SLC37A1: variants seen among roughly 807,000 people sequenced by gnomAD.
The protein encoded by SLC37A1 is solute carrier family 37 member 1.
In SLC37A1, 49 loss-of-function variants were observed where a neutral mutation model predicts 75.3. The observed-to-expected ratio is 0.65, with a 90% CI of 0.52 to 0.83. The LOEUF is 0.83. SLC37A1 is among the 40% of genes least tolerant of loss of function. The pLI is 0.00. For synonymous variants in SLC37A1, 268 were observed against 292.1 expected (o/e 0.92, Z 0.84); for missense variants, 566 against 695.0 (o/e 0.81, Z 2.09).
upstream of SLC37A1, among the ~76,000 whole-genome samples, chr21:42,512,338 G>A (rs540796908): frequency 3.3e-5 from 5 of 152,244 alleles, no homozygotes; most frequent in Non-Finnish European, 5.9e-5. Context: ...TGGGATGCCC[G>A]AAAGGTTTGA....
chr21:42,514,070 G>C lies in SLC37A1; in HGVS notation c.-826G>C, dbSNP rs2054475197. 1.3e-5 allele frequency: 2 copies of C among 150,286 alleles called. No homozygotes were observed. Among genetic ancestry groups the C allele is most frequent in the South Asian group, 2.1e-4 (1 of 4,788 alleles). 9.3% of individuals were successfully genotyped at this position (150,286 alleles called of 1,614,324 possible). On this transcript the variant is annotated 5_prime_UTR_variant, in exon 1 of 20. Coordinates refer to ENST00000352133, the MANE Select transcript of SLC37A1 (RefSeq NM_001320537.2). This position sits in a 1 kb window ranked among gnomAD's most constrained non-coding sequence, Gnocchi z 4.8. ...GCCGGGCGCGGGGCCCTGCGCACTCGGAGCTCGGCTCCTCTCCTTCCTTTT... is the reference window on the plus strand; with the variant it reads ...GCCGGGCGCGGGGCCCTGCGCACTCCGAGCTCGGCTCCTCTCCTTCCTTTT...
At chr21:42,540,403 G>T (rs2055247567) in intron 6 of SLC37A1, among the ~76,000 whole-genome samples, 1 of 152,196 alleles carries the variant, frequency 6.6e-6, no homozygotes, top group East Asian at 1.9e-4. Flanking sequence ...CCTGCAGCTG[G>T]TTGGGTCACA....
In SLC37A1 at chr21:42,548,642, C is replaced by T. The variant is rs970322548; in HGVS notation, c.768+1502C>T. On this transcript the variant is annotated intron_variant, in intron 9 of 19. Transcript: ENST00000352133. This position sits in a 1 kb window ranked among gnomAD's most constrained non-coding sequence, Gnocchi z 5.6. ...AGCCTCCTAGAACGATCCACTCTTG[C>T]TCCCCAGAATCTCTTCTTCACACCG... Among the ~76,000 whole-genome samples the T allele has an allele frequency of 1.3e-5, 2 of 152,228 alleles. No homozygotes were observed. The highest frequency in any genetic ancestry group is 4.8e-5 in the African/African-American group (2 of 41,464).
chr21:42,564,184 T>G (rs1433754787), intron 13 of SLC37A1, among the ~76,000 whole-genome samples: 2 of 123,802 alleles, frequency 1.6e-5, no homozygotes, highest in African/African-American at 6.4e-5. Flanking sequence ...CTTCTTGTTA[T>G]GAAGACCAAC....
upstream of SLC37A1, chr21:42,513,826 G>C (rs2054468099): frequency 6.8e-6 from 1 of 146,472 alleles, no homozygotes; most frequent in Non-Finnish European, 1.5e-5. Flanking sequence ...TGAAAGGGCG[G>C]CGGGGCCTCC....
chr21:42,540,687 A>G (rs1466245641), intron 6 of SLC37A1, among the ~76,000 whole-genome samples: 2 of 152,184 alleles, frequency 1.3e-5, no homozygotes, highest in Non-Finnish European at 2.9e-5. Context: ...CTGCTGAAAT[A>G]ATGATGCTCA....
rs148916791 is a variant in SLC37A1 at position 42,533,193 on chromosome 21, G to T, written c.139-1505G>T. ...TGACCTGGAGCCAGCTTTGTGCACT[G>T]CCCTCCAGACCCCTGGCCTCTCTCA... On this transcript the variant is annotated intron_variant, in intron 3 of 19. Transcript: ENST00000352133. Among the ~76,000 whole-genome samples the T allele has an allele frequency of 1.2e-4, 18 of 152,292 alleles. No individual in the cohort carries two copies. The East Asian group carries it at 3.3e-3, about 28-fold the overall frequency.
intron 9 of SLC37A1, among the ~76,000 whole-genome samples, chr21:42,551,424 T>C (rs1253844518): frequency 1.3e-5 from 2 of 152,242 alleles, no homozygotes; most frequent in East Asian, 3.9e-4. Context: ...AGAAAGAAGA[T>C]GAGTGGTTGT....
At chr21:42,560,345 C>T (rs534957494) in intron 11 of SLC37A1, 24 of 152,300 alleles carry the variant, frequency 1.6e-4, no homozygotes, top group Non-Finnish European at 2.9e-4. Flanking sequence ...GTCCAGGGGG[C>T]GCTGTCCAGG....
intron 19 of SLC37A1, 141 bp downstream of exon 19, chr21:42,579,941 C>G: frequency 1.3e-6 from 1 of 759,114 alleles, no homozygotes; most frequent in South Asian, 1.7e-5. Context: ...CCTTCACTCT[C>G]ACTTTTTCTT....
chr21:42,561,113 C>T (rs975791619), intron 11 of SLC37A1, among the ~76,000 whole-genome samples: 5 of 152,248 alleles, frequency 3.3e-5, no homozygotes, highest in African/African-American at 1.2e-4. Context: ...TACACATCCT[C>T]ATCAACTGTG....
intron 18 of SLC37A1, among the ~76,000 whole-genome samples, 185 bp from the exon 19 acceptor site, chr21:42,579,551 G>GCCCACATCAGAC (rs2056376229): frequency 4.6e-5 from 1 of 21,872 alleles, no homozygotes; most frequent in Non-Finnish European, 1.3e-4. Flanking sequence ...CTGCCCACAG[G>GCCCACATCAGAC]AGCCCAGGCC....
At chr21:42,509,586 AGT>A (rs1470205774), upstream of SLC37A1, 1 of 152,204 alleles carries the variant, frequency 6.6e-6, no homozygotes, top group Non-Finnish European at 1.5e-5. This position sits in a 1 kb window ranked among gnomAD's most constrained non-coding sequence, Gnocchi z 4.2. Context: ...ATAGTTCTTC[AGT>A]GTGTGGACTC....
rs983373485 is a variant in SLC37A1, at chr21:42,545,279, T to C, written c.730+1677T>C. Among the ~76,000 whole-genome samples, 5 of 152,058 alleles carry C rather than the reference T, an allele frequency of 3.3e-5. No homozygotes were observed. Among genetic ancestry groups the C allele is most frequent in the Non-Finnish European group, 7.4e-5 (5 of 67,996 alleles). The stretch of plus-strand genomic sequence containing the variant: ...GAATCTTTCTGACACTCTTTCCCCT[T>C]GTGCCTGGGAGGTGCACTGTGTCTG... On this transcript the variant is annotated intron_variant, in intron 8 of 19. Coordinates refer to ENST00000352133, the MANE Select transcript of SLC37A1 (RefSeq NM_001320537.2). This position sits in a 1 kb window ranked among gnomAD's most constrained non-coding sequence, Gnocchi z 4.0.
intron 2 of SLC37A1, among the ~76,000 whole-genome samples, chr21:42,505,288 G>T (rs886199281): frequency 6.6e-6 from 1 of 152,182 alleles, no homozygotes; most frequent in East Asian, 1.9e-4. Flanking sequence ...ACTCTCTGCT[G>T]TGGCCATAAT....
In SLC37A1 at chr21:42,547,999, C is replaced by CT; in HGVS notation, c.768+859_768+860insT. Among the ~76,000 whole-genome samples, 1 of 152,192 alleles carries CT rather than the reference C, an allele frequency of 6.6e-6. No homozygotes were observed. On this transcript the variant is annotated intron_variant, in intron 9 of 19. Transcript: ENST00000352133. This position sits in a 1 kb window ranked among gnomAD's most constrained non-coding sequence, Gnocchi z 6.1. ...TCTGGCCTCACCCTGCTGGGCCCGT[C>CT]GCCCGCGTCTGACCCAATGCTTCCC...
chr21:42,542,995 A>T (rs1015521105), intron 7 of SLC37A1, among the ~76,000 whole-genome samples: 1 of 152,258 alleles, frequency 6.6e-6, no homozygotes, highest in African/African-American at 2.4e-5. Flanking sequence ...CGCAAACAAG[A>T]TGCGGAAGCT....
At chr21:42,513,653 A>G (rs11701667), upstream of SLC37A1, among the ~76,000 whole-genome samples, 151,076 of 151,076 alleles carry the variant, frequency 1, 75,538 homozygotes, top group Non-Finnish European at 1. Flanking sequence ...TTCGCCCGCA[A>G]AGGCCGGGCA....
chr21:42,533,412 G>A (rs577453498), intron 3 of SLC37A1, among the ~76,000 whole-genome samples: 71 of 152,256 alleles, frequency 4.7e-4, no homozygotes, highest in Middle Eastern at 3.4e-3. Context: ...GCATGGGAGC[G>A]ACAGAGGCCA....
Sources: gnomAD v4.1 joint callset for allele counts (sites outside exome capture counted in the v4.1 genomes callset) on GRCh38, gnomAD v4.1.1 for gene constraint, Gnocchi (gnomAD v3.1) non-coding constraint, MANE v1.5 for transcripts, NCBI Gene and HGNC (gene_info 2026-07-23, HGNC 2026-07-21) for gene names.